The following EVA1A variants were observed in gnomAD, a reference collection of about 807,000 sequenced individuals.
EVA1A encodes the protein protein eva-1 homolog A.
EVA1A carries 7 observed loss-of-function variants against 9.8 expected under a neutral mutation model. That is an observed-to-expected ratio of 0.71 (90% confidence interval 0.41 to 1.34). EVA1A has a LOEUF of 1.34. EVA1A is among the 40% of genes most tolerant of loss of function. EVA1A has a pLI of 0.01. For missense variants in EVA1A, 206 were observed against 205.9 expected (o/e 1.00, Z 0.00); for synonymous variants, 90 against 85.6 (o/e 1.05, Z -0.28).
intron 3 of EVA1A, among the ~76,000 whole-genome samples, chr2:75,506,466 C>T (rs1674623968): frequency 6.6e-6 from 1 of 152,148 alleles, no homozygotes; most frequent in Non-Finnish European, 1.5e-5. Flanking sequence ...AATTGTGAGC[C>T]CCTCCTTAGG....
chr2:75,569,652 C>G (rs1443363315), exon 1 of EVA1A: 1 of 152,278 alleles, frequency 6.6e-6, no homozygotes, highest in Non-Finnish European at 1.5e-5. Flanking sequence ...TCTCTCCCAA[C>G]CATTCAGTAC....
intron 1 of EVA1A, chr2:75,558,775 TGAA>T (rs1256465251): frequency 6.6e-6 from 1 of 152,236 alleles, no homozygotes; most frequent in African/African-American, 2.4e-5. Flanking sequence ...AGGCCAGTTG[TGAA>T]GAGCCATGTG....
At chr2:75,509,582 T>C (rs1385224747) in intron 3 of EVA1A, among the ~76,000 whole-genome samples, 1 of 152,178 alleles carries the variant, frequency 6.6e-6, no homozygotes, top group Non-Finnish European at 1.5e-5. Context: ...TACAGTTGTT[T>C]TGATCCGTTC....
At chr2:75,546,907 CAAAAAAAA>C (rs751386318) in intron 1 of EVA1A, among the ~76,000 whole-genome samples, 13 of 66,876 alleles carry the variant, frequency 1.9e-4, no homozygotes, top group Admixed American at 9.9e-4. Flanking sequence ...ATCAATAGGC[CAAAAAAAA>C]AAAAAAAAAA....
At position 75,555,301 on chromosome 2, in the gene EVA1A, A is replaced by ATCTCTCTCCCTC. The variant is rs1392383779; in HGVS notation, c.-192+5378_-192+5379insGAGGGAGAGAGA. On this transcript the variant is annotated intron_variant, in intron 1 of 3. Coordinates refer to ENST00000393913, the MANE Select transcript of EVA1A (RefSeq NM_001135032.2). ...AAACAGACTTTAGCATCAAAACTCA[A>ATCTCTCTCCCTC]TCTCTCTCTCTCTCTCTCTCTCTCT... is the stretch of plus-strand genomic sequence containing the variant. Among the ~76,000 whole-genome samples the ATCTCTCTCCCTC allele has an allele frequency of 7.1e-3, 406 of 57,208 alleles. 6 individuals are homozygous for ATCTCTCTCCCTC. The highest frequency in any genetic ancestry group is 0.024 in the Middle Eastern group (2 of 82). 37.5% of individuals were successfully genotyped at this position (57,208 alleles called of 152,430 possible).
intron 2 of EVA1A, among the ~76,000 whole-genome samples, chr2:75,520,678 T>C (rs1558679489): frequency 6.6e-6 from 1 of 152,130 alleles, no homozygotes; most frequent in African/African-American, 2.4e-5. Context: ...TACCTTACAC[T>C]ATATAAAAAA....
At chr2:75,547,899 A>G in intron 1 of EVA1A, among the ~76,000 whole-genome samples, 1 of 152,220 alleles carries the variant, frequency 6.6e-6, no homozygotes, top group East Asian at 1.9e-4. Context: ...TCACATAGCC[A>G]CACTCACTCA....
At chr2:75,566,612 G>A (rs1370789597) in intron 1 of EVA1A, among the ~76,000 whole-genome samples, 3 of 152,104 alleles carry the variant, frequency 2.0e-5, no homozygotes, top group Non-Finnish European at 2.9e-5. Context: ...TGTGGAGTGG[G>A]GGTTTATCTT....
intron 1 of EVA1A, among the ~76,000 whole-genome samples, chr2:75,534,899 T>TA (rs201799000): frequency 0.016 from 2,470 of 152,296 alleles, 69 homozygotes; most frequent in Admixed American, 0.067. Context: ...TTTAAGTCTT[T>TA]AATCCATCTT....
At chr2:75,541,515 C>T (rs1572982359) in intron 1 of EVA1A, among the ~76,000 whole-genome samples, 1 of 152,156 alleles carries the variant, frequency 6.6e-6, no homozygotes, top group East Asian at 1.9e-4. Flanking sequence ...TCAGGGAGAC[C>T]TGCTGAGTTA....
intron 1 of EVA1A, chr2:75,558,381 G>C (rs995115336): frequency 2.6e-5 from 4 of 152,176 alleles, no homozygotes; most frequent in African/African-American, 9.7e-5. Context: ...AGATTTGAAC[G>C]CAAGAAGCCT....
At chr2:75,545,091 T>C (rs896238240) in intron 1 of EVA1A, among the ~76,000 whole-genome samples, 8 of 152,246 alleles carry the variant, frequency 5.3e-5, no homozygotes, top group Non-Finnish European at 7.3e-5. Flanking sequence ...TGCTCTGTTA[T>C]AGTCATTAAT....
At chr2:75,512,954 C>T (rs572380244) in intron 3 of EVA1A, among the ~76,000 whole-genome samples, 2 of 152,134 alleles carry the variant, frequency 1.3e-5, no homozygotes, top group Non-Finnish European at 2.9e-5. Context: ...ATTTTTCCAG[C>T]CTCCCTTGCA....
At chr2:75,541,844 A>C (rs1676136769) in intron 1 of EVA1A, 1 of 151,928 alleles carries the variant, frequency 6.6e-6, no homozygotes, top group Non-Finnish European at 1.5e-5. Context: ...ATCCTTTCTA[A>C]CCCTCCATCC....
chr2:75,522,989 T>A (rs889176983), intron 1 of EVA1A, among the ~76,000 whole-genome samples: 15 of 152,190 alleles, frequency 9.9e-5, no homozygotes, highest in South Asian at 2.1e-4. Context: ...CTTGCTAAAG[T>A]GTCAAGGCCT....
chr2:75,542,763 T>G (rs1396009870), intron 1 of EVA1A: 2 of 152,204 alleles, frequency 1.3e-5, no homozygotes, highest in African/African-American at 4.8e-5. Context: ...AGATTCACCC[T>G]TCATGGAGAA....
In EVA1A at chr2:75,535,097, C is replaced by T. The variant is rs145288257; in HGVS notation, c.-191-12610G>A. Among the ~76,000 whole-genome samples the T allele has an allele frequency of 3.3e-5, 5 of 151,752 alleles. No homozygotes were observed. In the East Asian group the frequency reaches 9.7e-4, roughly 29 times the overall value. ...AACAAATCAGCAAGAAAAAAAAATC[C>T]CATTAAAAAGTGGGCAAATGATATA... On this transcript the variant is annotated intron_variant, in intron 1 of 3. Coordinates refer to ENST00000393913, the MANE Select transcript of EVA1A (RefSeq NM_001135032.2).
At chr2:75,521,451 T>C (rs563856256) in intron 2 of EVA1A, among the ~76,000 whole-genome samples, 46 of 152,298 alleles carry the variant, frequency 3.0e-4, no homozygotes, top group African/African-American at 8.9e-4. Flanking sequence ...CATCCACAGA[T>C]GGATGAATAA....
chr2:75,505,617 C>G (rs547963902), intron 3 of EVA1A, among the ~76,000 whole-genome samples: 2 of 152,092 alleles, frequency 1.3e-5, no homozygotes, highest in African/African-American at 4.8e-5. Context: ...TCAATACCAG[C>G]CTGGCCAATA....
Sources: allele counts gnomAD v4.1 joint callset (sites outside exome capture counted in the v4.1 genomes callset), GRCh38; gene constraint gnomAD v4.1.1; transcripts MANE v1.5; gene names NCBI Gene and HGNC (gene_info 2026-07-23, HGNC 2026-07-21).